The following FAAH variants were observed in gnomAD, a reference collection of about 807,000 sequenced individuals.
FAAH encodes the protein fatty-acid amide hydrolase 1.
Under a neutral mutation model 69.7 loss-of-function variants are expected in FAAH, and 63 were observed. The observed-to-expected ratio is 0.90, with a 90% CI of 0.74 to 1.12. FAAH has a LOEUF of 1.12. FAAH is among the 50% of genes most tolerant of loss of function. FAAH has a pLI of 0.00. For synonymous variants in FAAH, 305 were observed against 324.2 expected (o/e 0.94, Z 0.64); for missense variants, 680 against 755.0 (o/e 0.90, Z 1.16).
chr1:46,412,356 G>A lies in FAAH; in HGVS notation c.1465+105G>A, dbSNP rs45442895. 7.6e-5 allele frequency: 73 copies of A among 954,286 alleles called. No homozygotes were observed. The East Asian group carries it at 1.3e-3, about 16-fold the overall frequency. The allele number at this position is 954,286 out of a possible 1,614,324, so 59.1% of individuals were successfully genotyped here. A position where few individuals can be genotyped will look rare whatever the true frequency, so the allele number is the denominator to read the frequency against. ...CCCTCTGGGAGGACCCTGCCCTCTC[G>A]GGGCCCACAGTCTGGCTGACTGGAG... On this transcript the variant is annotated intron_variant, in intron 13 of 14. Transcript: ENST00000243167.
chr1:46,394,804 G>C (rs1420738169), intron 1 of FAAH, among the ~76,000 whole-genome samples: 2 of 152,258 alleles, frequency 1.3e-5, no homozygotes, highest in East Asian at 1.9e-4. Context: ...TTGTGCCAAA[G>C]AATCTCACGA....
chr1:46,399,515 G>T (rs1001796348), intron 1 of FAAH, among the ~76,000 whole-genome samples: 2 of 152,234 alleles, frequency 1.3e-5, no homozygotes, highest in African/African-American at 4.8e-5. Flanking sequence ...TGTGCTGAGC[G>T]TGGAGGGGAG....
intron 8 of FAAH, 101 bp downstream of exon 8, chr1:46,408,685 C>T: frequency 7.6e-6 from 12 of 1,574,200 alleles, no homozygotes; most frequent in South Asian, 6.7e-5. Flanking sequence ...GGCACTCTGA[C>T]GATGTTGTCG....
At chr1:46,402,285 C>G in intron 2 of FAAH, 81 bp downstream of exon 2, 1 of 1,213,858 alleles carries the variant, frequency 8.2e-7, no homozygotes, top group Non-Finnish European at 1.2e-6. Context: ...CTCCCTCTGT[C>G]CGCACAGGCT....
chr1:46,396,035 G>A (rs1664591470), intron 1 of FAAH, among the ~76,000 whole-genome samples: 1 of 152,230 alleles, frequency 6.6e-6, no homozygotes, highest in South Asian at 2.1e-4. Context: ...AGTTCCGTCA[G>A]TATTTATTGA....
Position 46,408,494 on chromosome 1 carries a change from C to G in FAAH, c.987C>G (p.Tyr329Ter), listed in dbSNP as rs758684356. ...GCTCTCAGCCCCTGCGTGTGGGGTA[C>G]TATGAGACTGACAACTATACCATGC... Reference protein sequence around the residue: ...YTSSQPLRVGYYETDNYTMPS... With the variant: ...YTSSQPLRVG Residue 329 changes from tyrosine to a stop codon, truncating the protein, a stop_gained, in exon 8 of 15, where the codon TAC becomes TAG. Transcript: ENST00000243167. LOFTEE classifies it high-confidence loss of function. 6 of 1,614,174 alleles carry G rather than the reference C, an allele frequency of 3.7e-6. No homozygotes were observed. The African/African-American group carries it at 4.0e-5, about 11-fold the overall frequency.
Position 46,408,974 on chromosome 1 carries a change from G to A in FAAH, c.1078-127G>A, listed in dbSNP as rs1664850380. The A allele has an allele frequency of 6.4e-6, 5 of 780,564 alleles. No individual in the cohort carries two copies. The Admixed American group carries it at 9.8e-5, about 15-fold the overall frequency. 48.4% of individuals were successfully genotyped at this position (780,564 alleles called of 1,614,324 possible). Reference sequence around the variant, plus strand: ...TTCATGGGTCAGTAAGGCTGCCTTTGTAGCTCTAGTGAGAGCTATCTTGTG... The same window carrying A: ...TTCATGGGTCAGTAAGGCTGCCTTTATAGCTCTAGTGAGAGCTATCTTGTG... On this transcript the variant is annotated intron_variant, in intron 8 of 14. Transcript: ENST00000243167.
intron 1 of FAAH, among the ~76,000 whole-genome samples, chr1:46,399,214 T>C (rs1241330020): frequency 6.6e-6 from 1 of 152,212 alleles, no homozygotes; most frequent in Non-Finnish European, 1.5e-5. Context: ...ACAAAACAGA[T>C]GGAGGAGGGG....
chr1:46,413,195 A>G lies in FAAH; in HGVS notation c.1586A>G (p.Asp529Gly). Residue 529 changes from aspartate (D) to glycine (G), a missense_variant, in exon 14 of 15, where the codon GAT (aspartate) becomes GGT (glycine). Physicochemically the swap from Asp to Gly is moderately conservative, Grantham distance 94 (BLOSUM62 -1). Coordinates refer to ENST00000243167, the MANE Select transcript of FAAH (RefSeq NM_001441.3). ...QMEHYRGYFG[D>G]IWDKMLQKGM... Reference sequence around the variant, plus strand: ...GAACATTACAGGGGCTACTTTGGGGATATCTGGGACAAGATGCTGCAGAAG... The same window carrying G: ...GAACATTACAGGGGCTACTTTGGGGGTATCTGGGACAAGATGCTGCAGAAG... 1 of 1,614,114 alleles carries G rather than the reference A, an allele frequency of 6.2e-7. No individual in the cohort carries two copies. Among genetic ancestry groups the G allele is most frequent in the Non-Finnish European group, 8.5e-7 (1 of 1,180,010 alleles).
chr1:46,405,994 G>A lies in FAAH; in HGVS notation c.786-44G>A, dbSNP rs1289425800. ...GCTCTGTGGGTGTGGGGATGGCGGC[G>A]GGTGGCCATTTCCTGTTTCCAGCAT... On this transcript the variant is annotated intron_variant, in intron 5 of 14. Transcript: ENST00000243167. This position sits in a 1 kb window ranked among gnomAD's most constrained non-coding sequence, Gnocchi z 4.1. 4 of 1,613,762 alleles carry A rather than the reference G, an allele frequency of 2.5e-6. No homozygotes were observed. Among genetic ancestry groups the A allele is most frequent in the African/African-American group, 1.3e-5 (1 of 74,924 alleles).
chr1:46,403,139 T>C (rs545837223), intron 2 of FAAH, among the ~76,000 whole-genome samples: 49 of 149,998 alleles, frequency 3.3e-4, no homozygotes, highest in African/African-American at 1.1e-3. Context: ...CGACCCCGTC[T>C]TTTTTTTTGA....
chr1:46,409,052 T>G, intron 8 of FAAH, 49 bp from the exon 9 acceptor site: 1 of 1,500,770 alleles, frequency 6.7e-7, no homozygotes, highest in Non-Finnish European at 9.3e-7. Context: ...ATGGGGATCA[T>G]GAAGCCAGTT....
chr1:46,412,043 G>T (rs969280402), intron 12 of FAAH, 100 bp from the exon 13 acceptor site: 3 of 1,022,516 alleles, frequency 2.9e-6, no homozygotes, highest in Middle Eastern at 2.1e-4. Flanking sequence ...CCAGGGGCAG[G>T]TGCTGGGGCC....
chr1:46,410,893 G>A lies in FAAH; in HGVS notation c.1316+39G>A, dbSNP rs758025092. ...TGTGTCTAGCTGCCGGCCCCTGCCTGTCCTGATCCGAGTCTGGGTCTGGGT... is the reference window on the plus strand; with the variant it reads ...TGTGTCTAGCTGCCGGCCCCTGCCTATCCTGATCCGAGTCTGGGTCTGGGT... On this transcript the variant is annotated intron_variant, in intron 11 of 14. Coordinates refer to ENST00000243167, the MANE Select transcript of FAAH (RefSeq NM_001441.3). The surrounding 1 kb of genome is among the most constrained non-coding windows in gnomAD (Gnocchi z 4.9). 2.6e-5 allele frequency: 42 copies of A among 1,613,248 alleles called. No homozygotes were observed. The highest frequency in any genetic ancestry group is 3.4e-5 in the Non-Finnish European group (40 of 1,179,156).
At position 46,409,130 on chromosome 1, in the gene FAAH, C is replaced by T. The variant is rs1224119568; in HGVS notation, c.1107C>T (p.Pro369=). The change falls in exon 9 of 15, where the codon CCC becomes CCT. Residue 369 remains proline (P), a synonymous_variant. Coordinates refer to ENST00000243167, the MANE Select transcript of FAAH (RefSeq NM_001441.3). Reference sequence around the variant, plus strand: ...TTCCCTTCTTGCCAAGCAACATACCCCATGCTCTGGAGACCCTGTCAACAG... The same window carrying T: ...TTCCCTTCTTGCCAAGCAACATACCTCATGCTCTGGAGACCCTGTCAACAG... ...TLVPFLPSNI[P]HALETLSTGG... is the part of the protein sequence containing the mutation. The T allele has an allele frequency of 1.9e-6, 3 of 1,613,886 alleles. No homozygotes were observed. The highest frequency in any genetic ancestry group is 1.7e-6 in the Non-Finnish European group (2 of 1,179,982).
chr1:46,404,923 T>TA lies in FAAH; in HGVS notation c.310-87dup. 6.3e-7 allele frequency: 1 copy of TA among 1,582,060 alleles called. No individual in the cohort carries two copies. The highest frequency in any genetic ancestry group is 8.6e-7 in the Non-Finnish European group (1 of 1,157,078). On this transcript the variant is annotated intron_variant, in intron 2 of 14. Coordinates refer to ENST00000243167, the MANE Select transcript of FAAH (RefSeq NM_001441.3). The surrounding 1 kb of genome is among the most constrained non-coding windows in gnomAD (Gnocchi z 4.5). ...GTTACCCCTCTCCCTGGGTATACTT[T>TA]AAAAGGCCAGTTCTACATGATGTAT... is the stretch of plus-strand genomic sequence containing the variant.
rs1485578138 is a variant in FAAH at position 46,411,266 on chromosome 1, C to T, written c.1317-346C>T. The stretch of plus-strand genomic sequence containing the variant: ...GGGGCTGGAAAAGCAGGGCGTAAAC[C>T]TCCCTGTTTCATGCCCTGACGTCCC... On this transcript the variant is annotated intron_variant, in intron 11 of 14. Transcript: ENST00000243167. The surrounding 1 kb of genome is among the most constrained non-coding windows in gnomAD (Gnocchi z 4.8). Among the ~76,000 whole-genome samples the T allele has an allele frequency of 3.3e-5, 5 of 152,228 alleles. No homozygotes were observed. The highest frequency in any genetic ancestry group is 7.3e-5 in the Non-Finnish European group (5 of 68,038).
At chr1:46,408,147 T>C (rs1429115492) in intron 7 of FAAH, among the ~76,000 whole-genome samples, 1 of 152,154 alleles carries the variant, frequency 6.6e-6, no homozygotes, top group Non-Finnish European at 1.5e-5. Flanking sequence ...GAAGACAGGA[T>C]GCCTGCATTC....
intron 7 of FAAH, 115 bp from the exon 8 acceptor site, chr1:46,408,344 G>A (rs945945200): frequency 2.1e-6 from 3 of 1,427,914 alleles, no homozygotes; most frequent in African/African-American, 1.4e-5. Flanking sequence ...GGCTGGCCTC[G>A]CTGACTGCAG....
Sources: gnomAD v4.1 joint callset for allele counts (sites outside exome capture counted in the v4.1 genomes callset) on GRCh38, gnomAD v4.1.1 for gene constraint, Gnocchi (gnomAD v3.1) non-coding constraint, MANE v1.5 for transcripts, NCBI Gene and HGNC (gene_info 2026-07-23, HGNC 2026-07-21) for gene names.